Variants in ZNF793 observed in about 807,000 individuals in gnomAD.
The protein encoded by ZNF793 is zinc finger protein 793.
Under a neutral mutation model 12.4 loss-of-function variants are expected in ZNF793, and 5 were observed. The observed-to-expected ratio is 0.40, with a 90% CI of 0.21 to 0.84. The LOEUF is 0.84. Among genes scored for constraint, ZNF793 ranks in the 40% least tolerant of loss-of-function variants. ZNF793 has a pLI of 0.35. For synonymous variants in ZNF793, 162 were observed against 172.4 expected, an observed-to-expected ratio of 0.94 and a Z score of 0.47; for missense variants, 456 against 495.0, an observed-to-expected ratio of 0.92 and a Z score of 0.75.
Position 37,538,013 on chromosome 19 carries a change from G to A in ZNF793, c.*134G>A, listed in dbSNP as rs560534069. On this transcript the variant is annotated 3_prime_UTR_variant, in exon 8 of 8. Transcript: ENST00000627814. ...TGCAAGCTCTGCCTCCCGGGTTCAC[G>A]CCATTCTCCTGCCTCAGCCTCCCGA... 1.1e-5 allele frequency: 12 copies of A among 1,081,228 alleles called. No homozygotes were observed. Among genetic ancestry groups the A allele is most frequent in the African/African-American group, 3.2e-5 (2 of 61,908 alleles). The allele number at this position is 1,081,228 out of a possible 1,614,324, so 67.0% of individuals were successfully genotyped here. A position where few individuals can be genotyped will look rare whatever the true frequency, so the allele number is the denominator to read the frequency against.
intron 4 of ZNF793, among the ~76,000 whole-genome samples, chr19:37,522,933 A>G (rs1463862415): frequency 2.0e-5 from 3 of 152,220 alleles, no homozygotes; most frequent in Non-Finnish European, 4.4e-5. Context: ...TATGGCAACC[A>G]TGCTTTATGG....
chr19:37,517,525 T>C (rs1037230679), intron 2 of ZNF793, among the ~76,000 whole-genome samples: 7 of 151,860 alleles, frequency 4.6e-5, no homozygotes, highest in African/African-American at 1.2e-4. Flanking sequence ...AATCTGTCTC[T>C]GAGAGGCAGC....
chr19:37,528,106 G>A (rs2147092805), intron 5 of ZNF793, among the ~76,000 whole-genome samples: 1 of 152,232 alleles, frequency 6.6e-6, no homozygotes, highest in Admixed American at 6.5e-5. Context: ...TCCAGCCTGG[G>A]CAACACAGCA....
chr19:37,517,719 A>G, intron 2 of ZNF793, among the ~76,000 whole-genome samples: 1 of 152,090 alleles, frequency 6.6e-6, no homozygotes, highest in Admixed American at 6.6e-5. Flanking sequence ...AACCTTGCAC[A>G]GTGCCTAAGT....
intron 1 of ZNF793, 25 bp from the exon 2 acceptor site, chr19:37,508,240 A>G (rs2042266083): frequency 6.6e-6 from 1 of 152,004 alleles, no homozygotes; most frequent in Non-Finnish European, 1.5e-5. Flanking sequence ...TCTAATGCAT[A>G]TTTTTTCCTA....
chr19:37,542,597 T>G lies in ZNF793; in HGVS notation c.*4718T>G, dbSNP rs2042558960. Reference sequence around the variant, plus strand: ...AGAATCAAAGTAAATACCCATCAACTGGGAAATTGTAGAAAGGAAAAAACT... The same window carrying G: ...AGAATCAAAGTAAATACCCATCAACGGGGAAATTGTAGAAAGGAAAAAACT... On this transcript the variant is annotated 3_prime_UTR_variant, in exon 8 of 8. Coordinates refer to ENST00000627814, the MANE Select transcript of ZNF793 (RefSeq NM_001013659.3). 3.8e-6 allele frequency: 1 copy of G among 264,066 alleles called. No individual in the cohort carries two copies. Among genetic ancestry groups the G allele is most frequent in the African/African-American group, 2.2e-5 (1 of 45,162 alleles). The allele number at this position is 264,066 out of a possible 1,614,324, so 16.4% of individuals were successfully genotyped here.
rs1355126194 is a variant in ZNF793 at position 37,542,063 on chromosome 19, G to GA, written c.*4189dup. On this transcript the variant is annotated 3_prime_UTR_variant, in exon 8 of 8. Transcript: ENST00000627814. ...CACTGCTGGTGGAGAAATAAATTTT[G>GA]AAAAACAATGCAAATTACTGTTTTG... 6.5e-6 allele frequency: 1 copy of GA among 153,538 alleles called. No individual in the cohort carries two copies. Among genetic ancestry groups the GA allele is most frequent in the African/African-American group, 2.4e-5 (1 of 41,434 alleles). 9.5% of individuals were successfully genotyped at this position (153,538 alleles called of 1,614,324 possible).
intron 7 of ZNF793, 22 bp from the exon 8 acceptor site, chr19:37,536,875 T>A: frequency 6.4e-7 from 1 of 1,573,836 alleles, no homozygotes; most frequent in African/African-American, 1.4e-5. Context: ...TTCATAAGGA[T>A]GATTCACTGT....
chr19:37,507,056 T>A (rs188996463), intron 1 of ZNF793, 90 bp downstream of exon 1: 1 of 152,226 alleles, frequency 6.6e-6, no homozygotes, highest in African/African-American at 2.4e-5. Context: ...CGGTCAAACC[T>A]GGGACTAGTG....
At chr19:37,530,437 A>G (rs1209745613) in intron 5 of ZNF793, among the ~76,000 whole-genome samples, 1 of 152,166 alleles carries the variant, frequency 6.6e-6, no homozygotes, top group African/African-American at 2.4e-5. Context: ...AACCTTGGAC[A>G]ATACCTGGCT....
chr19:37,537,529 G>T lies in ZNF793; in HGVS notation c.871G>T (p.Ala291Ser), dbSNP rs759986692. The change falls in exon 8 of 8, where the codon GCC (alanine) becomes TCC (serine). Residue 291 changes from alanine to serine, a missense_variant. Physicochemically the swap from Ala to Ser is moderately conservative, Grantham distance 99. Coordinates refer to ENST00000627814, the MANE Select transcript of ZNF793 (RefSeq NM_001013659.3). ...CTTTGAATGTTTTTTTTGTGGGAAA[G>T]CCTTTACCCAGAAGTCACACCGCAC... ...RPFECFFCGK[A>S]FTQKSHRTEH... is the part of the protein sequence containing the mutation. 7.4e-6 allele frequency: 12 copies of T among 1,614,008 alleles called. No homozygotes were observed. In the Admixed American group the frequency reaches 2.0e-4, roughly 27 times the overall value.
At position 37,508,416 on chromosome 19, in the gene ZNF793, A is replaced by G. The variant is rs183071223; in HGVS notation, c.-276+13A>G. 6.6e-6 allele frequency: 1 copy of G among 152,272 alleles called. No homozygotes were observed. Among genetic ancestry groups the G allele is most frequent in the East Asian group, 1.9e-4 (1 of 5,180 alleles). 9.4% of individuals were successfully genotyped at this position (152,272 alleles called of 1,614,324 possible). A position where few individuals can be genotyped will look rare whatever the true frequency, so the allele number is the denominator to read the frequency against. On this transcript the variant is annotated intron_variant, in intron 2 of 7. Coordinates refer to ENST00000627814, the MANE Select transcript of ZNF793 (RefSeq NM_001013659.3). Reference sequence around the variant, plus strand: ...ACAAATTTACTGAGTAAGTATCTAAAATGATAATGTAGGCTGTGTGCAGTG... The same window carrying G: ...ACAAATTTACTGAGTAAGTATCTAAGATGATAATGTAGGCTGTGTGCAGTG...
At chr19:37,533,489 T>G (rs759608672) in intron 7 of ZNF793, 86 bp downstream of exon 7, 28 of 1,217,938 alleles carry the variant, frequency 2.3e-5, no homozygotes, top group Admixed American at 3.8e-5. Flanking sequence ...TTAAAAGCCT[T>G]GAAAGTCCTC....
intron 1 of ZNF793, 25 bp from the exon 2 acceptor site, chr19:37,508,240 A>AT (rs1379295039): frequency 6.6e-6 from 1 of 152,004 alleles, no homozygotes; most frequent in Non-Finnish European, 1.5e-5. Context: ...TCTAATGCAT[A>AT]TTTTTTCCTA....
Position 37,542,877 on chromosome 19 carries a change from T to C in ZNF793, c.*4998T>C, listed in dbSNP as rs905474301. ...GAAGAAAAGTATAGAAGAGTATGCA[T>C]TGACTTGGAGGGAGGTGGGTAATGC... On this transcript the variant is annotated 3_prime_UTR_variant, in exon 8 of 8. Coordinates refer to ENST00000627814, the MANE Select transcript of ZNF793 (RefSeq NM_001013659.3). 3.3e-5 allele frequency: 5 copies of C among 152,662 alleles called. No individual in the cohort carries two copies. The highest frequency in any genetic ancestry group is 7.2e-5 in the African/African-American group (3 of 41,444). The allele number at this position is 152,662 out of a possible 1,614,324, so 9.5% of individuals were successfully genotyped here. A position where few individuals can be genotyped will look rare whatever the true frequency, so the allele number is the denominator to read the frequency against.
Position 37,542,628 on chromosome 19 carries a change from G to A in ZNF793, c.*4749G>A, listed in dbSNP as rs2042559294. ...ATTGTAGAAAGGAAAAAACTATAGT[G>A]TATCCATTCCATAGAATGTTAATAT... is the stretch of plus-strand genomic sequence containing the variant. On this transcript the variant is annotated 3_prime_UTR_variant, in exon 8 of 8. Transcript: ENST00000627814. 1 of 228,606 alleles carries A rather than the reference G, an allele frequency of 4.4e-6. No homozygotes were observed. The highest frequency in any genetic ancestry group is 2.3e-5 in the African/African-American group (1 of 44,388). The allele number at this position is 228,606 out of a possible 1,614,324, so 14.2% of individuals were successfully genotyped here.
Position 37,538,186 on chromosome 19 carries a change from A to G in ZNF793, c.*307A>G, listed in dbSNP as rs1174144665. The G allele has an allele frequency of 2.3e-5, 6 of 257,580 alleles. No individual in the cohort carries two copies. The highest frequency in any genetic ancestry group is 3.0e-5 in the Non-Finnish European group (4 of 135,020). The allele number at this position is 257,580 out of a possible 1,614,324, so 16.0% of individuals were successfully genotyped here. On this transcript the variant is annotated 3_prime_UTR_variant, in exon 8 of 8. Transcript: ENST00000627814. ...CGCCTTGTCCTCCCAAAGTGCTGGG[A>G]TTACAGGCGTGAGCCACCGCGCCTG...
chr19:37,529,359 T>C (rs2042439762), intron 5 of ZNF793, among the ~76,000 whole-genome samples: 1 of 152,160 alleles, frequency 6.6e-6, no homozygotes, highest in Non-Finnish European at 1.5e-5. Flanking sequence ...GTCTTTCCTC[T>C]CACGTCCCTC....
At chr19:37,518,614 T>C (rs146400178) in intron 2 of ZNF793, among the ~76,000 whole-genome samples, 2,199 of 128,206 alleles carry the variant, frequency 0.017, 41 homozygotes, top group African/African-American at 0.054. Context: ...AAAAACATGG[T>C]GAAACCCTGT....
Sources: allele counts gnomAD v4.1 joint callset (sites outside exome capture counted in the v4.1 genomes callset), GRCh38; gene constraint gnomAD v4.1.1; transcripts MANE v1.5; gene names NCBI Gene and HGNC (gene_info 2026-07-23, HGNC 2026-07-21).